The following SGCD variants were observed in gnomAD, a reference collection of about 807,000 sequenced individuals.
The protein encoded by SGCD is delta-sarcoglycan.
In SGCD, 18 loss-of-function variants were observed where a neutral mutation model predicts 36.6. The observed-to-expected ratio is 0.49, with a 90% CI of 0.34 to 0.73. The LOEUF (loss-of-function observed/expected upper bound fraction) is 0.73, where lower values mean the gene tolerates loss of function less well. SGCD is among the 30% of genes least tolerant of loss of function. The pLI, the probability that SGCD is intolerant of heterozygous loss-of-function variation, is 0.01. For missense variants in SGCD, 387 were observed against 346.7 expected (o/e 1.12, Z -0.92); for synonymous variants, 133 against 130.6 (o/e 1.02, Z -0.12).
chr5:156,070,609 C>G (rs1345184090), intron 1 of SGCD, among the ~76,000 whole-genome samples: 1 of 151,986 alleles, frequency 6.6e-6, no homozygotes, highest in African/African-American at 2.4e-5. Context: ...GGTTGTGTCT[C>G]TGTCAGGCTT....
chr5:156,005,705 C>T (rs978635740), intron 1 of SGCD, among the ~76,000 whole-genome samples: 1 of 152,196 alleles, frequency 6.6e-6, no homozygotes, highest in Admixed American at 6.5e-5. Context: ...CCGCCTTGGC[C>T]TCCCAAAGTG....
the SGCD span, among the ~76,000 whole-genome samples, chr5:155,780,785 G>T: frequency 6.6e-6 from 1 of 152,102 alleles, no homozygotes; most frequent in Non-Finnish European, 1.5e-5. Context: ...ATACACTTTG[G>T]AATAAAGAAA....
chr5:156,079,806 C>T (rs1001236398), intron 1 of SGCD, among the ~76,000 whole-genome samples: 2 of 152,324 alleles, frequency 1.3e-5, no homozygotes, highest in South Asian at 2.1e-4. Context: ...TTGTTGAGTA[C>T]CTGCAGCTTT....
intron 3 of SGCD, among the ~76,000 whole-genome samples, chr5:156,496,527 C>A (rs1756197057): frequency 6.6e-6 from 1 of 152,050 alleles, no homozygotes; most frequent in African/African-American, 2.4e-5. Flanking sequence ...AGAGACTTTT[C>A]ATCTGTAAGT....
At position 155,960,572 on chromosome 5, in the gene SGCD, T is replaced by C. The variant is rs150011192; in HGVS notation, c.-282+90148T>C. ...GCAATTGTTTTCAAGATAGTCCAGA[T>C]AAATTCATATTTAGAAAAAAATTAA... On this transcript the variant is annotated intron_variant, in intron 1 of 9. Coordinates refer to the SGCD transcript ENST00000517913. Among the ~76,000 whole-genome samples the C allele has an allele frequency of 4.1e-3, 627 of 152,182 alleles. 1 individual carries two copies. Among genetic ancestry groups the C allele is most frequent in the Admixed American group, 8.8e-3 (135 of 15,274 alleles).
intron 3 of SGCD, among the ~76,000 whole-genome samples, chr5:156,397,140 A>T (rs1044038210): frequency 2.0e-5 from 3 of 152,200 alleles, no homozygotes; most frequent in Non-Finnish European, 4.4e-5. Flanking sequence ...TATATTCAGT[A>T]TCTGGACTTT....
At position 155,908,310 on chromosome 5, in the gene SGCD, A is replaced by G. The variant is rs183005656; in HGVS notation, c.-282+37886A>G. 1.3e-4 allele frequency among the ~76,000 whole-genome samples: 20 copies of G among 152,194 alleles called. No homozygotes were observed. The East Asian group carries it at 2.9e-3, about 22-fold the overall frequency. On this transcript the variant is annotated intron_variant, in intron 1 of 9. Coordinates refer to the SGCD transcript ENST00000517913. ...TTAGTGTATGCTTGTATTTTACTCA[A>G]TTCATCTCCAAAAGCCCATGCAGAC...
chr5:156,700,625 T>C (rs112090491), intron 7 of SGCD, among the ~76,000 whole-genome samples: 1 of 152,056 alleles, frequency 6.6e-6, no homozygotes. Context: ...TTACCATCAG[T>C]TGTAAAATAT....
rs1698351262 is a variant in SGCD at position 156,058,536 on chromosome 5, A to G, written c.-281-59342A>G. 2.7e-5 allele frequency among the ~76,000 whole-genome samples: 4 copies of G among 145,886 alleles called. 2 individuals carry two copies. Among genetic ancestry groups the G allele is most frequent in the Non-Finnish European group, 6.2e-5 (4 of 64,830 alleles). On this transcript the variant is annotated intron_variant, in intron 1 of 9. Transcript: ENST00000517913. ...GGAATGCTGCTGGCCCATCAGCTAC[A>G]CTTTGAGTAACTAAGATTTAGGAGA...
chr5:155,853,633 T>G, the SGCD span, among the ~76,000 whole-genome samples: 1 of 152,244 alleles, frequency 6.6e-6, no homozygotes, highest in African/African-American at 2.4e-5. Flanking sequence ...TAATGTTCTC[T>G]GTGTTCTATA....
intron 3 of SGCD, among the ~76,000 whole-genome samples, chr5:156,227,361 C>T (rs1028217796): frequency 3.3e-5 from 5 of 152,068 alleles, no homozygotes; most frequent in Admixed American, 6.6e-5. Context: ...AAATGGTGTC[C>T]TTTCTCCACT....
chr5:156,616,368 T>C (rs58336403), intron 6 of SGCD, among the ~76,000 whole-genome samples: 3,036 of 151,880 alleles, frequency 0.02, 74 homozygotes, highest in African/African-American at 0.047. Flanking sequence ...TGACTGAGAG[T>C]GAAATAGAGC....
rs548572484 is a variant in SGCD, at chr5:156,099,249, G to T, written c.-281-18629G>T. On this transcript the variant is annotated intron_variant, in intron 1 of 9. Transcript: ENST00000517913. ...TTTCTGGAGTTAATGGTTGTGCTTG[G>T]CATGGAGAAATGATCTATGCCATCT... Among the ~76,000 whole-genome samples the T allele has an allele frequency of 3.9e-5, 6 of 152,250 alleles. No homozygotes were observed. In the South Asian group the frequency reaches 1.2e-3, roughly 32 times the overall value.
intron 1 of SGCD, among the ~76,000 whole-genome samples, chr5:155,919,123 C>T (rs772236564): frequency 3.9e-5 from 6 of 152,122 alleles, no homozygotes; most frequent in Admixed American, 3.3e-4. Context: ...TGACAGGCAT[C>T]GAGAAAACTA....
intron 3 of SGCD, among the ~76,000 whole-genome samples, chr5:156,303,230 C>T (rs1767104051): frequency 6.6e-6 from 1 of 152,124 alleles, no homozygotes; most frequent in South Asian, 2.1e-4. Flanking sequence ...TTTCCATAAG[C>T]AGAGGAGTCC....
intron 1 of SGCD, among the ~76,000 whole-genome samples, chr5:155,906,759 A>G (rs1285690447): frequency 2.0e-5 from 3 of 151,130 alleles, no homozygotes; most frequent in African/African-American, 7.4e-5. Context: ...AGCCATCTCC[A>G]TGACATAAAA....
intron 5 of SGCD, 147 bp from the exon 6 acceptor site, chr5:156,594,785 C>T: frequency 1.7e-6 from 1 of 579,468 alleles, no homozygotes; most frequent in Non-Finnish European, 3.0e-6. Flanking sequence ...AAAACCAGTC[C>T]ACTGAACATT....
chr5:155,919,067 G>A (rs938168860), intron 1 of SGCD, among the ~76,000 whole-genome samples: 1 of 152,186 alleles, frequency 6.6e-6, no homozygotes, highest in African/African-American at 2.4e-5. Flanking sequence ...CTTATAAAAC[G>A]CTAGCCAGTT....
chr5:156,502,050 T>G (rs540612212), intron 3 of SGCD, among the ~76,000 whole-genome samples: 124 of 152,174 alleles, frequency 8.1e-4, no homozygotes, highest in South Asian at 1.9e-3. Flanking sequence ...TTTTTTTTTT[T>G]TTTGTTTGGT....
Sources: allele counts gnomAD v4.1 joint callset (sites outside exome capture counted in the v4.1 genomes callset), GRCh38; gene constraint gnomAD v4.1.1; transcripts MANE v1.5; gene names NCBI Gene and HGNC (gene_info 2026-07-23, HGNC 2026-07-21).